Variants in ROCK2 observed in about 807,000 individuals in gnomAD.
ROCK2 encodes rho-associated protein kinase 2.
A neutral mutation model predicts 195.1 loss-of-function variants in ROCK2; 61 were observed. The ratio of observed to expected loss-of-function variants is 0.31; its 90% CI spans 0.25 to 0.39. ROCK2 has a LOEUF of 0.39. Ranked by LOEUF, ROCK2 falls within the 10% of genes least tolerant of loss-of-function variation. The probability of loss-of-function intolerance (pLI) is 1.00; values close to 1 mark genes in which losing one functional copy is unlikely to be tolerated. For synonymous variants in ROCK2, 504 were observed against 545.5 expected, an observed-to-expected ratio of 0.92 and a Z score of 1.06; for missense variants, 1,109 against 1,637.4, an observed-to-expected ratio of 0.68 and a Z score of 5.57.
At chr2:11,271,050 G>A (rs943066370) in intron 3 of ROCK2, among the ~76,000 whole-genome samples, 2 of 152,132 alleles carry the variant, frequency 1.3e-5, no homozygotes, top group African/African-American at 2.4e-5. Context: ...AGGTCTCAGC[G>A]AATCCTTATG....
chr2:11,269,241 G>A (rs1666537080), intron 3 of ROCK2, among the ~76,000 whole-genome samples: 1 of 152,098 alleles, frequency 6.6e-6, no homozygotes, highest in Non-Finnish European at 1.5e-5. Flanking sequence ...GCCAGTAGTG[G>A]TGGCTCATGC....
At position 11,218,439 on chromosome 2, in the gene ROCK2, G is replaced by T. The variant is rs1484488879; in HGVS notation, c.1332+16C>A. On this transcript the variant is annotated intron_variant, in intron 11 of 32. Coordinates refer to ENST00000315872, the MANE Select transcript of ROCK2 (RefSeq NM_004850.5). ...CTTTTCTCAGTTTTTCAATATATCT[G>T]ACAACATCAACATACCTCTTGACTT... 3 of 1,554,256 alleles carry T rather than the reference G, an allele frequency of 1.9e-6. No homozygotes were observed. The highest frequency in any genetic ancestry group is 2.6e-6 in the Non-Finnish European group (3 of 1,146,706).
chr2:11,319,426 C>T (rs1405942863), intron 1 of ROCK2, among the ~76,000 whole-genome samples: 2 of 152,128 alleles, frequency 1.3e-5, no homozygotes, highest in East Asian at 3.8e-4. Flanking sequence ...TATAAGAATG[C>T]TTGTGACTTC....
At chr2:11,209,886 C>A (rs1213231547) in intron 18 of ROCK2, among the ~76,000 whole-genome samples, 1 of 152,172 alleles carries the variant, frequency 6.6e-6, no homozygotes, top group African/African-American at 2.4e-5. Flanking sequence ...CATTTCTAAA[C>A]ACTTTACATG....
intron 17 of ROCK2, among the ~76,000 whole-genome samples, chr2:11,213,759 T>C (rs1477971458): frequency 6.6e-6 from 1 of 151,926 alleles, no homozygotes; most frequent in East Asian, 1.9e-4. Flanking sequence ...ATACACCCAA[T>C]ACATATACCC....
intron 1 of ROCK2, among the ~76,000 whole-genome samples, chr2:11,340,798 A>C (rs1224034161): frequency 6.6e-6 from 1 of 152,178 alleles, no homozygotes; most frequent in African/African-American, 2.4e-5. Flanking sequence ...AATTGTAAAC[A>C]AAGTTTTAAT....
At chr2:11,331,056 GAGA>G (rs1207735215) in intron 1 of ROCK2, among the ~76,000 whole-genome samples, 2 of 149,584 alleles carry the variant, frequency 1.3e-5, no homozygotes, top group Admixed American at 6.7e-5. Context: ...GGAGGAGGAG[GAGA>G]AGAAGAAGAA....
intron 32 of ROCK2, among the ~76,000 whole-genome samples, chr2:11,187,043 G>A (rs1017144510): frequency 3.4e-4 from 51 of 152,196 alleles, no homozygotes; most frequent in African/African-American, 1.2e-3. Flanking sequence ...TTTGGAAAGA[G>A]TGCATTTAAT....
intron 1 of ROCK2, among the ~76,000 whole-genome samples, chr2:11,300,659 GCAATAAAGT>G (rs1027157131): frequency 6.6e-6 from 1 of 152,052 alleles, no homozygotes; most frequent in African/African-American, 2.4e-5. Flanking sequence ...AAATGGAAAG[GCAATAAAGT>G]CAACAAAAAT....
intron 18 of ROCK2, among the ~76,000 whole-genome samples, chr2:11,209,028 T>A (rs566346836): frequency 5.9e-5 from 9 of 152,252 alleles, no homozygotes; most frequent in Non-Finnish European, 1.2e-4. Context: ...TTATTTATAT[T>A]CTACAAGATG....
rs149521727 is a variant in ROCK2 at position 11,276,771 on chromosome 2, G to A, written c.324+9768C>T. On this transcript the variant is annotated intron_variant, in intron 3 of 32. Coordinates refer to ENST00000315872, the MANE Select transcript of ROCK2 (RefSeq NM_004850.5). ...TATATTCAGTAACATATGCTTGTCTGTATGTGTACTGGTGTGTGTGTATGT... is the reference window on the plus strand; with the variant it reads ...TATATTCAGTAACATATGCTTGTCTATATGTGTACTGGTGTGTGTGTATGT... 4.3e-4 allele frequency among the ~76,000 whole-genome samples: 66 copies of A among 152,270 alleles called. No individual in the cohort carries two copies. The East Asian group carries it at 5.8e-3, about 13-fold the overall frequency.
intron 4 of ROCK2, among the ~76,000 whole-genome samples, chr2:11,245,767 G>C (rs1039315172): frequency 1.3e-5 from 2 of 151,800 alleles, no homozygotes; most frequent in African/African-American, 2.4e-5. Flanking sequence ...ACCTCATTCT[G>C]ATCCCACTGG....
chr2:11,183,760 T>G (rs2148016403), intron 32 of ROCK2, among the ~76,000 whole-genome samples: 1 of 152,308 alleles, frequency 6.6e-6, no homozygotes, highest in South Asian at 2.1e-4. Flanking sequence ...AAAGTTTGAT[T>G]TGGGGTTTAA....
upstream of ROCK2, among the ~76,000 whole-genome samples, chr2:11,345,331 G>A (rs10173492): frequency 0.8 from 121,882 of 152,080 alleles, 49,375 homozygotes; most frequent in East Asian, 1. Context: ...GGCCTTCGCG[G>A]GGTCTTCTCC....
intron 1 of ROCK2, among the ~76,000 whole-genome samples, chr2:11,288,261 T>C (rs1170111054): frequency 6.6e-6 from 1 of 152,222 alleles, no homozygotes; most frequent in African/African-American, 2.4e-5. Context: ...TTCTTTACAT[T>C]TCTGTATTTC....
chr2:11,254,269 C>G (rs933634990), intron 3 of ROCK2, among the ~76,000 whole-genome samples: 1 of 152,272 alleles, frequency 6.6e-6, no homozygotes, highest in Non-Finnish European at 1.5e-5. Context: ...AGAAGAGAAA[C>G]TCACCAAGTC....
chr2:11,196,257 T>C (rs1663632413), intron 27 of ROCK2, among the ~76,000 whole-genome samples: 1 of 152,238 alleles, frequency 6.6e-6, no homozygotes, highest in Non-Finnish European at 1.5e-5. Flanking sequence ...GGCCAAATTC[T>C]TTCATGTTTC....
intron 1 of ROCK2, among the ~76,000 whole-genome samples, chr2:11,317,612 A>ATATATATT (rs59701503): frequency 1.1e-3 from 22 of 19,296 alleles, no homozygotes; most frequent in South Asian, 2.8e-3. Flanking sequence ...ATATATATAT[A>ATATATATT]TTTTTTTTTT....
In ROCK2 at chr2:11,295,986, GA is replaced by G. The variant is rs1558369563; in HGVS notation, c.142-8251del. Among the ~76,000 whole-genome samples, 41 of 50,750 alleles carry G rather than the reference GA, an allele frequency of 8.1e-4. 1 individual carries two copies. The highest frequency in any genetic ancestry group is 1.2e-3 in the African/African-American group (23 of 19,214). 33.3% of individuals were successfully genotyped at this position (50,750 alleles called of 152,430 possible). ...AACAAAAGAGAGAGAGAGAGAGAGA[GA>G]GAGGAGAGAGAGAGAGAGGAGAGAG... On this transcript the variant is annotated intron_variant, in intron 1 of 32. Coordinates refer to ENST00000315872, the MANE Select transcript of ROCK2 (RefSeq NM_004850.5).
Sources: allele counts gnomAD v4.1 joint callset (sites outside exome capture counted in the v4.1 genomes callset), GRCh38; gene constraint gnomAD v4.1.1; transcripts MANE v1.5; gene names NCBI Gene and HGNC (gene_info 2026-07-23, HGNC 2026-07-21).